The following ACOT7 variants were observed in gnomAD, a reference collection of about 807,000 sequenced individuals.
ACOT7 encodes cytosolic acyl coenzyme A thioester hydrolase.
A neutral mutation model predicts 40.2 loss-of-function variants in ACOT7; 12 were observed. The ratio of observed to expected loss-of-function variants is 0.30; its 90% CI spans 0.19 to 0.48. The LOEUF is 0.48. Among genes scored for constraint, ACOT7 ranks in the 20% least tolerant of loss-of-function variants. The pLI, the probability that ACOT7 is intolerant of heterozygous loss-of-function variation, is 0.99. For missense variants in ACOT7, 395 were observed against 530.8 expected (o/e 0.74, Z 2.51); for synonymous variants, 228 against 219.5 (o/e 1.04, Z -0.34).
intron 5 of ACOT7, among the ~76,000 whole-genome samples, chr1:6,322,794 C>A (rs1272048744): frequency 6.6e-6 from 1 of 152,138 alleles, no homozygotes. Context: ...TTTGTGGTGA[C>A]ACAATTTAGC....
chr1:6,357,643 T>C (rs1641783056), intron 1 of ACOT7, among the ~76,000 whole-genome samples: 1 of 152,122 alleles, frequency 6.6e-6, no homozygotes, highest in African/African-American at 2.4e-5. Flanking sequence ...GAGGCTGCCT[T>C]GGCCAGGAGT....
rs1249080686 is a variant in ACOT7, at chr1:6,386,088, GGAGTTCCACCTGGGCA to G, written c.143+7153_143+7168del. Reference sequence around the variant, plus strand: ...GTAGAAGAATGAGTTCCACCTGGGCGGAGTTCCACCTGGGCAGAGAGGTCTTGGCTCACAGGCACCG... The same window carrying G: ...GTAGAAGAATGAGTTCCACCTGGGCGGAGAGGTCTTGGCTCACAGGCACCG... On this transcript the variant is annotated intron_variant, in intron 1 of 8. Coordinates refer to ENST00000361521, the MANE Select transcript of ACOT7 (RefSeq NM_007274.4). Among the ~76,000 whole-genome samples, 11 of 152,300 alleles carry G rather than the reference GGAGTTCCACCTGGGCA, an allele frequency of 7.2e-5. No homozygotes were observed. The South Asian group carries it at 2.1e-3, about 29-fold the overall frequency.
At chr1:6,351,334 G>A (rs1450306773) in intron 1 of ACOT7, among the ~76,000 whole-genome samples, 4 of 152,230 alleles carry the variant, frequency 2.6e-5, no homozygotes, top group African/African-American at 9.6e-5. Flanking sequence ...CACAGTGGCC[G>A]GGGGATCCCC....
intron 6 of ACOT7, among the ~76,000 whole-genome samples, chr1:6,309,730 T>C (rs1640278433): frequency 6.6e-6 from 1 of 152,188 alleles, no homozygotes; most frequent in Admixed American, 6.5e-5. Flanking sequence ...TTAGGGAACT[T>C]ATAATTAAAA....
chr1:6,370,063 G>A (rs1049699016), intron 1 of ACOT7, among the ~76,000 whole-genome samples: 2 of 152,288 alleles, frequency 1.3e-5, no homozygotes, highest in African/African-American at 4.8e-5. Context: ...GGATCCCTCT[G>A]GAAGGGCATG....
intron 6 of ACOT7, among the ~76,000 whole-genome samples, chr1:6,303,122 T>G (rs1640017359): frequency 6.6e-6 from 1 of 152,168 alleles, no homozygotes; most frequent in African/African-American, 2.4e-5. Flanking sequence ...TTTTCCAAGA[T>G]GCTTCTTTCC....
chr1:6,332,180 C>A (rs1182243391), intron 4 of ACOT7, among the ~76,000 whole-genome samples: 2 of 152,130 alleles, frequency 1.3e-5, no homozygotes, highest in Non-Finnish European at 2.9e-5. Context: ...AAAATGTATT[C>A]TATATATATA....
At chr1:6,280,998 A>G in intron 8 of ACOT7, 104 bp downstream of exon 8, 1 of 1,453,902 alleles carries the variant, frequency 6.9e-7, no homozygotes, top group Non-Finnish European at 9.3e-7. Flanking sequence ...CCCTACTGAC[A>G]GGACAGGACT....
chr1:6,285,129 A>C (rs1017409215), intron 7 of ACOT7, among the ~76,000 whole-genome samples: 2 of 152,184 alleles, frequency 1.3e-5, no homozygotes, highest in South Asian at 2.1e-4. Context: ...GGCCCAAAGC[A>C]GGTATCCAGT....
At position 6,298,537 on chromosome 1, in the gene ACOT7, G is replaced by A. The variant is rs199650023; in HGVS notation, c.713-3557C>T. Among the ~76,000 whole-genome samples, 13 of 152,284 alleles carry A rather than the reference G, an allele frequency of 8.5e-5. No individual in the cohort carries two copies. In the East Asian group the frequency reaches 1.9e-3, roughly 23 times the overall value. Reference sequence around the variant, plus strand: ...GAAGAAAGAGTGCAGGTGAAATACCGGGAAAATAGCTGTTTGGCAAGGGAA... The same window carrying A: ...GAAGAAAGAGTGCAGGTGAAATACCAGGAAAATAGCTGTTTGGCAAGGGAA... On this transcript the variant is annotated intron_variant, in intron 6 of 8. Coordinates refer to ENST00000361521, the MANE Select transcript of ACOT7 (RefSeq NM_007274.4).
chr1:6,384,044 C>A (rs1040492279), intron 1 of ACOT7, among the ~76,000 whole-genome samples: 11 of 151,854 alleles, frequency 7.2e-5, no homozygotes, highest in Non-Finnish European at 1.3e-4. Flanking sequence ...GAGATCAGAT[C>A]TTGCTATGTT....
chr1:6,275,461 G>A lies in ACOT7; in HGVS notation c.1014+5641C>T, dbSNP rs889772797. 2.0e-5 allele frequency among the ~76,000 whole-genome samples: 3 copies of A among 152,168 alleles called. No homozygotes were observed. The highest frequency in any genetic ancestry group is 2.0e-4 in the Admixed American group (3 of 15,276). ...AGATGGCCACAGCTAGGCCAGGCGCGGTAGCTCACGCCTGTAATCCTAGCA... is the reference window on the plus strand; with the variant it reads ...AGATGGCCACAGCTAGGCCAGGCGCAGTAGCTCACGCCTGTAATCCTAGCA... On this transcript the variant is annotated intron_variant, in intron 8 of 8. Transcript: ENST00000361521. This position sits in a 1 kb window ranked among gnomAD's most constrained non-coding sequence, Gnocchi z 5.6.
At chr1:6,271,325 T>C (rs942621187) in intron 8 of ACOT7, among the ~76,000 whole-genome samples, 1 of 152,218 alleles carries the variant, frequency 6.6e-6, no homozygotes, top group African/African-American at 2.4e-5. Context: ...AGTGGTGATA[T>C]AACAACTTCC....
chr1:6,366,068 GTAT>G (rs1642004284), intron 1 of ACOT7, among the ~76,000 whole-genome samples: 1 of 151,656 alleles, frequency 6.6e-6, no homozygotes, highest in Non-Finnish European at 1.5e-5. Context: ...CTAATTTTTT[GTAT>G]TTTTAGTAGA....
rs1407434203 is a variant in ACOT7 at position 6,338,657 on chromosome 1, G to A, written c.418+776C>T. On this transcript the variant is annotated intron_variant, in intron 3 of 8. Transcript: ENST00000361521. This position sits in a 1 kb window ranked among gnomAD's most constrained non-coding sequence, Gnocchi z 4.4. ...GAGGACTCAAGCCCCTCAAATGGCT[G>A]TGAGCTGGCACTCCACGGGGCAGCC... Among the ~76,000 whole-genome samples the A allele has an allele frequency of 6.6e-6, 1 of 152,204 alleles. No individual in the cohort carries two copies. Among genetic ancestry groups the A allele is most frequent in the Non-Finnish European group, 1.5e-5 (1 of 68,042 alleles).
In ACOT7 at chr1:6,323,732, AAAAAAATATATATATAT is replaced by A. The variant is rs1241709489; in HGVS notation, c.625+3550_625+3566del. ...GACTTGTCTCAAAAAAAAAAAAAAA[AAAAAAATATATATATAT>A]ATATATATATATATATATATAGACA... On this transcript the variant is annotated intron_variant, in intron 5 of 8. Coordinates refer to ENST00000361521, the MANE Select transcript of ACOT7 (RefSeq NM_007274.4). 7.6e-3 allele frequency among the ~76,000 whole-genome samples: 707 copies of A among 92,720 alleles called. 2 individuals carry two copies. Among genetic ancestry groups the A allele is most frequent in the African/African-American group, 0.015 (263 of 17,354 alleles). 60.8% of individuals were successfully genotyped at this position (92,720 alleles called of 152,430 possible).
intron 8 of ACOT7, among the ~76,000 whole-genome samples, chr1:6,273,183 G>T (rs546681596): frequency 6.6e-6 from 1 of 152,348 alleles, no homozygotes; most frequent in South Asian, 2.1e-4. Context: ...GGACACAGTG[G>T]ATCTTTCAGA....
chr1:6,293,957 G>A (rs929718131), intron 7 of ACOT7, among the ~76,000 whole-genome samples: 2 of 152,218 alleles, frequency 1.3e-5, no homozygotes, highest in African/African-American at 2.4e-5. Context: ...CTGGGAGTCT[G>A]CCCCTGCTCA....
chr1:6,321,605 C>T (rs1209701773), intron 5 of ACOT7, among the ~76,000 whole-genome samples: 7 of 152,192 alleles, frequency 4.6e-5, no homozygotes, highest in Admixed American at 3.3e-4. Context: ...AGCTCTGCGT[C>T]CCGGGTTCAC....
Sources: allele counts gnomAD v4.1 joint callset (sites outside exome capture counted in the v4.1 genomes callset), GRCh38; gene constraint gnomAD v4.1.1; non-coding constraint Gnocchi (gnomAD v3.1); transcripts MANE v1.5; gene names NCBI Gene and HGNC (gene_info 2026-07-23, HGNC 2026-07-21).